Variants in ANKH observed in about 807,000 individuals in gnomAD.
The protein encoded by ANKH is mineralization regulator ANKH.
A neutral mutation model predicts 49.0 loss-of-function variants in ANKH; 15 were observed. That is an observed-to-expected ratio of 0.31 (90% confidence interval 0.20 to 0.47). ANKH has a LOEUF of 0.47. Ranked by LOEUF, ANKH falls within the 20% of genes least tolerant of loss-of-function variation. The probability of loss-of-function intolerance (pLI) is 1.00; values close to 1 mark genes in which losing one functional copy is unlikely to be tolerated. For synonymous variants in ANKH, 273 were observed against 260.0 expected (o/e 1.05, Z -0.48); for missense variants, 429 against 652.0 (o/e 0.66, Z 3.72).
At chr5:14,792,058 G>C (rs147806798) in intron 1 of ANKH, among the ~76,000 whole-genome samples, 1 of 152,282 alleles carries the variant, frequency 6.6e-6, no homozygotes, top group Non-Finnish European at 1.5e-5. Flanking sequence ...AAGATGGTGA[G>C]GGTCCTGGAT....
chr5:14,840,595 G>T (rs1004672), intron 1 of ANKH, among the ~76,000 whole-genome samples: 3 of 152,128 alleles, frequency 2.0e-5, no homozygotes, highest in African/African-American at 7.2e-5. Flanking sequence ...TTACTTAGCT[G>T]CCTGTTTCAA....
At chr5:14,757,603 G>A (rs2126493691) in intron 3 of ANKH, among the ~76,000 whole-genome samples, 1 of 152,088 alleles carries the variant, frequency 6.6e-6, no homozygotes, top group South Asian at 2.1e-4. Context: ...CTACCAGTAT[G>A]TTCAACAGAT....
intron 1 of ANKH, among the ~76,000 whole-genome samples, chr5:14,802,000 G>C (rs1333339308): frequency 3.9e-5 from 6 of 152,154 alleles, no homozygotes; most frequent in African/African-American, 1.2e-4. Flanking sequence ...ATTGCTGGCA[G>C]CTGTTTCCTC....
At chr5:14,867,999 A>G (rs770530584) in intron 1 of ANKH, among the ~76,000 whole-genome samples, 4 of 152,228 alleles carry the variant, frequency 2.6e-5, no homozygotes, top group Non-Finnish European at 5.9e-5. Flanking sequence ...GAAATAGTCC[A>G]TAAGATTTGG....
chr5:14,824,726 C>A (rs536537190), intron 1 of ANKH, among the ~76,000 whole-genome samples: 1 of 152,162 alleles, frequency 6.6e-6, no homozygotes, highest in African/African-American at 2.4e-5. Context: ...ACCACTGTAA[C>A]AGCCCAAGGA....
At chr5:14,764,020 G>A (rs957388127) in intron 2 of ANKH, among the ~76,000 whole-genome samples, 6 of 151,698 alleles carry the variant, frequency 4.0e-5, no homozygotes, top group Admixed American at 6.6e-5. Context: ...CCTGGGAGGC[G>A]GAGGTTGCAA....
At chr5:14,796,301 A>T (rs903806508) in intron 1 of ANKH, among the ~76,000 whole-genome samples, 5 of 151,848 alleles carry the variant, frequency 3.3e-5, no homozygotes, top group Non-Finnish European at 7.4e-5. Flanking sequence ...GGTCAAGGAC[A>T]AACTCCTAAA....
chr5:14,743,887 TAC>T (rs1205385173), intron 7 of ANKH, among the ~76,000 whole-genome samples: 1 of 152,222 alleles, frequency 6.6e-6, no homozygotes, highest in African/African-American at 2.4e-5. Flanking sequence ...ACTGAAACCA[TAC>T]AGTGTTGTAT....
In ANKH at chr5:14,764,957, C is replaced by T. The variant is rs182143605; in HGVS notation, c.313+4018G>A. Among the ~76,000 whole-genome samples, 19 of 152,318 alleles carry T rather than the reference C, an allele frequency of 1.2e-4. No homozygotes were observed. In the East Asian group the frequency reaches 3.1e-3, roughly 25 times the overall value. On this transcript the variant is annotated intron_variant, in intron 2 of 11. Transcript: ENST00000284268. ...AAGTTAAAATCCACAGCAGCGGTTT[C>T]GACATCTTCGTGAATTAGGAGGTTA... is the stretch of plus-strand genomic sequence containing the variant.
At chr5:14,805,328 G>T (rs144484974) in intron 1 of ANKH, among the ~76,000 whole-genome samples, 58 of 151,382 alleles carry the variant, frequency 3.8e-4, no homozygotes, top group Non-Finnish European at 6.8e-4. Flanking sequence ...GCCTATTGCA[G>T]AACTTTGTGA....
At chr5:14,804,507 G>A (rs774535425) in intron 1 of ANKH, among the ~76,000 whole-genome samples, 12 of 152,350 alleles carry the variant, frequency 7.9e-5, no homozygotes, top group Non-Finnish European at 1.5e-4. Context: ...GTCCATGACT[G>A]ATTGGCAGGT....
chr5:14,851,802 T>C (rs1208698081), intron 1 of ANKH, among the ~76,000 whole-genome samples: 1 of 152,246 alleles, frequency 6.6e-6, no homozygotes. Context: ...CAAATTCTCA[T>C]TTAAATGCTG....
chr5:14,799,367 T>G (rs1034985050), intron 1 of ANKH, among the ~76,000 whole-genome samples: 3 of 152,244 alleles, frequency 2.0e-5, no homozygotes, highest in African/African-American at 4.8e-5. Context: ...AGATCACTAA[T>G]GAAGGTGGCT....
At chr5:14,808,183 C>T (rs372416906) in intron 1 of ANKH, among the ~76,000 whole-genome samples, 49 of 152,170 alleles carry the variant, frequency 3.2e-4, no homozygotes, top group African/African-American at 1.2e-3. Context: ...ATATTCATAC[C>T]ACTCAGCAAT....
intron 1 of ANKH, among the ~76,000 whole-genome samples, chr5:14,803,620 C>T (rs1181475750): frequency 6.6e-6 from 1 of 151,998 alleles, no homozygotes; most frequent in Non-Finnish European, 1.5e-5. Context: ...TTTTGCCTTA[C>T]ATTTTTACAT....
intron 1 of ANKH, among the ~76,000 whole-genome samples, chr5:14,819,290 T>C (rs1741130018): frequency 6.6e-6 from 1 of 152,192 alleles, no homozygotes; most frequent in South Asian, 2.1e-4. Context: ...AGGAAAGACA[T>C]ATGGGCAGGA....
intron 8 of ANKH, chr5:14,741,270 C>A (rs978335235): frequency 1.3e-5 from 2 of 157,664 alleles, no homozygotes; most frequent in Admixed American, 1.2e-4. Flanking sequence ...TTTAAGGTTG[C>A]GCATAGAAAT....
intron 11 of ANKH, among the ~76,000 whole-genome samples, chr5:14,712,010 T>TCCTGTCTCCCCTCTTTCCTCAGCTTA: frequency 6.6e-6 from 1 of 152,230 alleles, no homozygotes; most frequent in Non-Finnish European, 1.5e-5. Flanking sequence ...CTTTTCGATG[T>TCCTGTCTCCCCTCTTTCCTCAGCTTA]CCTGTCTCCC....
intron 1 of ANKH, among the ~76,000 whole-genome samples, chr5:14,867,918 C>T (rs922657629): frequency 2.0e-5 from 3 of 152,122 alleles, no homozygotes; most frequent in Non-Finnish European, 2.9e-5. Flanking sequence ...ACGCTCCCCC[C>T]ACCACCTCAA....
Sources: allele counts gnomAD v4.1 joint callset (sites outside exome capture counted in the v4.1 genomes callset), GRCh38; gene constraint gnomAD v4.1.1; transcripts MANE v1.5; gene names NCBI Gene and HGNC (gene_info 2026-07-23, HGNC 2026-07-21).